The following OPCML variants were observed in gnomAD, a reference collection of about 807,000 sequenced individuals.
OPCML encodes opioid binding protein/cell adhesion molecule like, also known as opioid-binding protein/cell adhesion molecule.
A neutral mutation model predicts 37.8 loss-of-function variants in OPCML; 13 were observed. The observed-to-expected ratio is 0.34, with a 90% CI of 0.22 to 0.55. OPCML has a LOEUF of 0.55. OPCML is among the 20% of genes least tolerant of loss of function. The pLI, the probability that OPCML is intolerant of heterozygous loss-of-function variation, is 0.91. For synonymous variants in OPCML, 176 were observed against 168.8 expected (o/e 1.04, Z -0.33); for missense variants, 341 against 435.6 (o/e 0.78, Z 1.93).
intron 2 of OPCML, among the ~76,000 whole-genome samples, chr11:132,806,818 A>G (rs1939038617): frequency 6.6e-6 from 1 of 152,202 alleles, no homozygotes; most frequent in East Asian, 1.9e-4. Flanking sequence ...TTTCAAATGT[A>G]TATAAGCTAT....
At chr11:132,723,974 C>A (rs538480433) in intron 2 of OPCML, among the ~76,000 whole-genome samples, 9 of 152,266 alleles carry the variant, frequency 5.9e-5, no homozygotes, top group Non-Finnish European at 2.9e-5. Context: ...GCAAATAAAG[C>A]CTAAGACAGC....
At chr11:132,546,923 G>C (rs1235247867) in intron 3 of OPCML, among the ~76,000 whole-genome samples, 1 of 152,206 alleles carries the variant, frequency 6.6e-6, no homozygotes, top group South Asian at 2.1e-4. Context: ...AGGAAAGCCT[G>C]TGTGGCCCTA....
chr11:132,728,555 C>T (rs571466052), intron 2 of OPCML, among the ~76,000 whole-genome samples: 1 of 152,214 alleles, frequency 6.6e-6, no homozygotes, highest in African/African-American at 2.4e-5. Context: ...CACCTGCTCA[C>T]TTGTGATTTG....
intron 4 of OPCML, among the ~76,000 whole-genome samples, chr11:132,519,482 T>TCAC (rs1396878881): frequency 6.6e-6 from 1 of 151,998 alleles, no homozygotes; most frequent in Non-Finnish European, 1.5e-5. Context: ...CTCAATCAAC[T>TCAC]CACCCAAAAG....
chr11:133,140,910 A>AGACGAAGACGAAGAC (rs1225486232), intron 1 of OPCML, among the ~76,000 whole-genome samples: 1 of 14,300 alleles, frequency 7.0e-5, no homozygotes, highest in African/African-American at 1.6e-4. Flanking sequence ...ACGACGACGA[A>AGACGAAGACGAAGAC]GAAGAAGAAG....
chr11:132,582,199 T>C (rs1371913646), intron 3 of OPCML, among the ~76,000 whole-genome samples: 2 of 147,878 alleles, frequency 1.4e-5, no homozygotes, highest in African/African-American at 5.0e-5. Context: ...CCATGTACAA[T>C]TGGGAAAGAG....
At position 133,173,696 on chromosome 11, in the gene OPCML, G is replaced by A. The variant is rs1424829750; in HGVS notation, c.62-230686C>T. ...CTGCAGATAATAACGAGAACCATCA[G>A]CACCGACTTAGCTTCAATCCTGTGG... On this transcript the variant is annotated intron_variant, in intron 1 of 7. Coordinates refer to ENST00000524381, the MANE Select transcript of OPCML (RefSeq NM_001012393.5). The surrounding 1 kb of genome is among the most constrained non-coding windows in gnomAD (Gnocchi z 7.8). Among the ~76,000 whole-genome samples the A allele has an allele frequency of 6.6e-6, 1 of 152,184 alleles. No homozygotes were observed. The highest frequency in any genetic ancestry group is 1.9e-4 in the East Asian group (1 of 5,206).
At chr11:132,476,433 A>T (rs1368241012) in intron 4 of OPCML, among the ~76,000 whole-genome samples, 1 of 152,152 alleles carries the variant, frequency 6.6e-6, no homozygotes, top group Non-Finnish European at 1.5e-5. Context: ...AAGACTTGGA[A>T]CCAACCCAAA....
intron 3 of OPCML, among the ~76,000 whole-genome samples, chr11:132,579,555 C>A (rs556043173): frequency 6.6e-6 from 1 of 152,032 alleles, no homozygotes; most frequent in Non-Finnish European, 1.5e-5. Flanking sequence ...TGATTGAATG[C>A]CCTTTGGAAA....
At chr11:133,183,177 C>T (rs1221350123) in intron 1 of OPCML, among the ~76,000 whole-genome samples, 1 of 152,112 alleles carries the variant, frequency 6.6e-6, no homozygotes, top group East Asian at 1.9e-4. Context: ...TCTAGGTAGA[C>T]CTGACACTCT....
chr11:133,289,512 G>A (rs1463716975), intron 1 of OPCML, among the ~76,000 whole-genome samples: 2 of 148,236 alleles, frequency 1.3e-5, no homozygotes, highest in African/African-American at 2.5e-5. Flanking sequence ...GGAGAATGGC[G>A]TGAACCCGGG....
intron 1 of OPCML, among the ~76,000 whole-genome samples, chr11:133,257,455 G>T (rs1941350061): frequency 6.6e-6 from 1 of 152,164 alleles, no homozygotes; most frequent in Non-Finnish European, 1.5e-5. Flanking sequence ...ATTACGATCG[G>T]TTGTTTCTGT....
At chr11:133,301,065 G>GA (rs1318390868) in intron 1 of OPCML, 1 of 152,170 alleles carries the variant, frequency 6.6e-6, no homozygotes, top group African/African-American at 2.4e-5. Context: ...GTAGCCATAA[G>GA]AAACTGACAC....
chr11:133,391,524 T>TG (rs1391402725), intron 1 of OPCML, among the ~76,000 whole-genome samples: 1 of 152,348 alleles, frequency 6.6e-6, no homozygotes, highest in East Asian at 1.9e-4. Flanking sequence ...ATCCTTTAGC[T>TG]GCTGAGTCTT....
intron 2 of OPCML, among the ~76,000 whole-genome samples, chr11:132,929,024 C>T (rs1000622324): frequency 6.6e-6 from 1 of 150,780 alleles, no homozygotes; most frequent in African/African-American, 2.4e-5. Flanking sequence ...ACTCAACAAT[C>T]TAATTTTAAG....
intron 1 of OPCML, among the ~76,000 whole-genome samples, chr11:133,331,728 A>C (rs1943623892): frequency 6.6e-6 from 1 of 152,110 alleles, no homozygotes; most frequent in South Asian, 2.1e-4. Context: ...GCATTTGTAA[A>C]ACATTAATCA....
intron 1 of OPCML, among the ~76,000 whole-genome samples, chr11:133,371,806 A>G (rs1168747644): frequency 1.3e-5 from 2 of 152,258 alleles, no homozygotes; most frequent in African/African-American, 4.8e-5. Flanking sequence ...TAATTACAGA[A>G]GTAATTCTAT....
chr11:133,017,997 G>C (rs1164346800), intron 1 of OPCML, among the ~76,000 whole-genome samples: 1 of 152,192 alleles, frequency 6.6e-6, no homozygotes, highest in African/African-American at 2.4e-5. Flanking sequence ...AGCGCTCTGG[G>C]AGCATGGGAT....
chr11:133,532,373 G>A lies in OPCML; in HGVS notation c.-49C>T. The A allele has an allele frequency of 1.9e-6, 3 of 1,588,632 alleles. No individual in the cohort carries two copies. Among genetic ancestry groups the A allele is most frequent in the Non-Finnish European group, 1.7e-6 (2 of 1,164,048 alleles). ...TGCCGGGCTTGCTACTGCTTCTGCT[G>A]CTGCTACCGCTGCTGCCTTCCTCTG... On this transcript the variant is annotated 5_prime_UTR_variant, in exon 1 of 8. Transcript: ENST00000524381.
Sources: gnomAD v4.1 joint callset for allele counts (sites outside exome capture counted in the v4.1 genomes callset) on GRCh38, gnomAD v4.1.1 for gene constraint, Gnocchi (gnomAD v3.1) non-coding constraint, MANE v1.5 for transcripts, NCBI Gene and HGNC (gene_info 2026-07-23, HGNC 2026-07-21) for gene names.